Variants in SAMD12 observed in about 807,000 individuals in gnomAD.
The protein encoded by SAMD12 is sterile alpha motif domain containing 12.
SAMD12 carries 9 observed loss-of-function variants against 15.0 expected under a neutral mutation model. The ratio of observed to expected loss-of-function variants is 0.60; its 90% CI spans 0.36 to 1.05. The LOEUF (loss-of-function observed/expected upper bound fraction) is 1.05, where lower values mean the gene tolerates loss of function less well. Ranked by LOEUF, SAMD12 falls within the 50% of genes least tolerant of loss-of-function variation. The pLI, the probability that SAMD12 is intolerant of heterozygous loss-of-function variation, is 0.01. For missense variants in SAMD12, 230 were observed against 234.2 expected, an observed-to-expected ratio of 0.98 and a Z score of 0.12; for synonymous variants, 86 against 90.1, an observed-to-expected ratio of 0.96 and a Z score of 0.25.
At chr8:118,188,133 C>A (rs149675359), downstream of SAMD12, among the ~76,000 whole-genome samples, 3 of 151,234 alleles carry the variant, frequency 2.0e-5, no homozygotes. Flanking sequence ...GAGAAAGGCA[C>A]GTGCAGAAAG....
At chr8:118,443,158 G>A (rs1247773571) in intron 2 of SAMD12, among the ~76,000 whole-genome samples, 2 of 152,174 alleles carry the variant, frequency 1.3e-5, no homozygotes, top group African/African-American at 2.4e-5. Context: ...AAAACTTTAG[G>A]CATAGATTTT....
At chr8:118,350,445 C>T (rs1817905027) in intron 4 of SAMD12, among the ~76,000 whole-genome samples, 1 of 152,200 alleles carries the variant, frequency 6.6e-6, no homozygotes, top group Admixed American at 6.5e-5. Flanking sequence ...CGCTCCAGCC[C>T]TCATCATTCC....
At chr8:118,263,634 A>G (rs1813133635) in intron 4 of SAMD12, among the ~76,000 whole-genome samples, 1 of 152,140 alleles carries the variant, frequency 6.6e-6, no homozygotes, top group South Asian at 2.1e-4. Flanking sequence ...AGCTTCTAGA[A>G]TGTTAAGAAT....
At chr8:118,589,920 C>A (rs1057163603) in intron 1 of SAMD12, among the ~76,000 whole-genome samples, 22 of 152,098 alleles carry the variant, frequency 1.4e-4, no homozygotes, top group Admixed American at 7.9e-4. Context: ...CCATTCATCC[C>A]ACTTAGTAAA....
intron 1 of SAMD12, among the ~76,000 whole-genome samples, chr8:118,616,663 C>T (rs1432567206): frequency 6.6e-6 from 1 of 152,190 alleles, no homozygotes; most frequent in African/African-American, 2.4e-5. Flanking sequence ...GTCCCACCTG[C>T]CTGCTGCAGG....
intron 4 of SAMD12, among the ~76,000 whole-genome samples, chr8:118,363,691 A>G (rs1182534220): frequency 6.6e-6 from 1 of 152,192 alleles, no homozygotes; most frequent in Non-Finnish European, 1.5e-5. Context: ...ACATCAGCAG[A>G]TTCTTTATAA....
At chr8:118,430,371 CTTT>C (rs35835490) in intron 3 of SAMD12, among the ~76,000 whole-genome samples, 1 of 146,036 alleles carries the variant, frequency 6.8e-6, no homozygotes, top group Admixed American at 6.8e-5. Context: ...CTGTAATTGC[CTTT>C]TTTTTTTTTG....
intron 3 of SAMD12, among the ~76,000 whole-genome samples, chr8:118,380,970 A>G (rs1457579015): frequency 6.6e-6 from 1 of 152,184 alleles, no homozygotes; most frequent in African/African-American, 2.4e-5. Flanking sequence ...GCTGCTGATC[A>G]ATGTAACAAG....
chr8:118,136,650 A>G, the SAMD12 span, among the ~76,000 whole-genome samples: 1 of 152,160 alleles, frequency 6.6e-6, no homozygotes, highest in Non-Finnish European at 1.5e-5. Context: ...AAATTACTTC[A>G]AAGTTTCCCT....
At chr8:118,202,769 A>T (rs1819750696) in intron 4 of SAMD12, among the ~76,000 whole-genome samples, 1 of 152,202 alleles carries the variant, frequency 6.6e-6, no homozygotes, top group African/African-American at 2.4e-5. Flanking sequence ...TCGTGTAATG[A>T]GTTCAAGGCC....
At chr8:118,285,223 C>T (rs2130195347) in intron 4 of SAMD12, among the ~76,000 whole-genome samples, 1 of 152,020 alleles carries the variant, frequency 6.6e-6, no homozygotes, top group Middle Eastern at 3.4e-3. Flanking sequence ...GATTTCCTAA[C>T]TCTGAATGGT....
the SAMD12 span, among the ~76,000 whole-genome samples, chr8:118,154,143 T>TGC: frequency 1.8e-5 from 1 of 56,012 alleles, no homozygotes; most frequent in East Asian, 5.5e-4. Context: ...CACACACAAG[T>TGC]GCACACACAC....
intron 3 of SAMD12, among the ~76,000 whole-genome samples, chr8:118,419,519 C>A (rs2130839158): frequency 6.6e-6 from 1 of 152,320 alleles, no homozygotes; most frequent in Non-Finnish European, 1.5e-5. Flanking sequence ...TTTAGAGACA[C>A]TAAGTGGCTT....
chr8:118,543,382 C>CTGT (rs1458506962), intron 2 of SAMD12, among the ~76,000 whole-genome samples: 1 of 152,200 alleles, frequency 6.6e-6, no homozygotes, highest in Non-Finnish European at 1.5e-5. Context: ...TAGTATTTCT[C>CTGT]TGTAGAAGAG....
chr8:118,161,025 T>C, the SAMD12 span, among the ~76,000 whole-genome samples: 3 of 152,140 alleles, frequency 2.0e-5, no homozygotes, highest in East Asian at 3.9e-4. Flanking sequence ...TTCCCACCTA[T>C]GAGTGAGAAC....
intron 3 of SAMD12, among the ~76,000 whole-genome samples, chr8:118,389,804 T>C (rs954824718): frequency 1.3e-5 from 2 of 152,182 alleles, no homozygotes; most frequent in African/African-American, 4.8e-5. Context: ...CTTGCTATGA[T>C]AGAATACAAG....
chr8:118,496,256 T>C (rs1270712755), intron 2 of SAMD12, among the ~76,000 whole-genome samples: 3 of 152,242 alleles, frequency 2.0e-5, no homozygotes, highest in Admixed American at 6.5e-5. Flanking sequence ...ATGGCCTAAG[T>C]AGATAAAGCA....
At chr8:118,545,312 C>T (rs112448049) in intron 2 of SAMD12, among the ~76,000 whole-genome samples, 10,720 of 152,100 alleles carry the variant, frequency 0.07, 429 homozygotes, top group Non-Finnish European at 0.083. Flanking sequence ...ACTAAAAATA[C>T]AAAAATTAGC....
At chr8:118,359,591 G>A (rs1221769706) in intron 4 of SAMD12, among the ~76,000 whole-genome samples, 1 of 152,138 alleles carries the variant, frequency 6.6e-6, no homozygotes, top group East Asian at 1.9e-4. Context: ...AGAGCATCGC[G>A]CTCCTGGAGA....
Sources: gnomAD v4.1 joint callset for allele counts (sites outside exome capture counted in the v4.1 genomes callset) on GRCh38, gnomAD v4.1.1 for gene constraint, MANE v1.5 for transcripts, NCBI Gene and HGNC (gene_info 2026-07-23, HGNC 2026-07-21) for gene names.